The following SNAP29 variants were observed in gnomAD, a reference collection of about 807,000 sequenced individuals.
SNAP29 encodes the protein synaptosome associated protein 29.
SNAP29 carries 13 observed loss-of-function variants against 27.9 expected under a neutral mutation model. The observed-to-expected ratio is 0.47, with a 90% CI of 0.30 to 0.74. SNAP29 has a LOEUF of 0.74. SNAP29 is among the 30% of genes least tolerant of loss of function. SNAP29 has a pLI of 0.06. For synonymous variants in SNAP29, 119 were observed against 127.1 expected, an observed-to-expected ratio of 0.94 and a Z score of 0.43; for missense variants, 368 against 336.5, an observed-to-expected ratio of 1.09 and a Z score of -0.73.
intron 2 of SNAP29, among the ~76,000 whole-genome samples, chr22:20,877,892 G>A (rs1928787199): frequency 6.6e-6 from 1 of 152,224 alleles, no homozygotes; most frequent in Non-Finnish European, 1.5e-5. Flanking sequence ...GAAGCCAAGT[G>A]TCTCTTCCTA....
chr22:20,869,209 A>G (rs1440933294), intron 1 of SNAP29, among the ~76,000 whole-genome samples: 1 of 152,144 alleles, frequency 6.6e-6, no homozygotes, highest in Non-Finnish European at 1.5e-5. Flanking sequence ...GCAGTGAGCT[A>G]ATATCACGCC....
At chr22:20,878,322 A>T (rs1339053103) in intron 2 of SNAP29, among the ~76,000 whole-genome samples, 1 of 152,096 alleles carries the variant, frequency 6.6e-6, no homozygotes, top group African/African-American at 2.4e-5. Context: ...CGGGCAGATC[A>T]TGAGGTCAGG....
Position 20,873,642 on chromosome 22 carries a change from G to A in SNAP29, c.434+3109G>A, listed in dbSNP as rs746110137. 4.6e-5 allele frequency among the ~76,000 whole-genome samples: 7 copies of A among 151,910 alleles called. 1 individual carries two copies. Among genetic ancestry groups the A allele is most frequent in the Admixed American group, 1.3e-4 (2 of 15,246 alleles). ...GGAGGATCACTTGATCCCAGCCTGA[G>A]CAACATGACAAAACCCCGTCTCTAC... On this transcript the variant is annotated intron_variant, in intron 2 of 4. Coordinates refer to ENST00000215730, the MANE Select transcript of SNAP29 (RefSeq NM_004782.4).
In SNAP29 at chr22:20,883,554, A is replaced by T. The variant is rs1193183899; in HGVS notation, c.604A>T (p.Ile202Phe). The change falls in exon 4 of 5, where the codon ATC becomes TTC. Residue 202 changes from isoleucine to phenylalanine, a missense_variant. Transcript: ENST00000215730. ...ACACCTTCGAGCCTATCACCAGAAG[A>T]TCGACAGCAACCTAGGTAAGACTGA... ...NPHLRAYHQK[I>F]DSNLDELSMG... 1.9e-6 allele frequency: 3 copies of T among 1,611,432 alleles called. No individual in the cohort carries two copies. The Admixed American group carries it at 5.0e-5, about 27-fold the overall frequency.
intron 2 of SNAP29, among the ~76,000 whole-genome samples, chr22:20,874,332 ACACACACGAAAATTAGC>A (rs1928679820): frequency 6.8e-6 from 1 of 146,456 alleles, no homozygotes; most frequent in African/African-American, 2.5e-5. Flanking sequence ...ACACACACAC[ACACACACGAAAATTAGC>A]CACACACACA....
rs531870687 is a variant in SNAP29, at chr22:20,860,089, C to G, written c.237+742C>G. Among the ~76,000 whole-genome samples, 88 of 152,184 alleles carry G rather than the reference C, an allele frequency of 5.8e-4. 1 individual carries two copies. The Middle Eastern group carries it at 0.01, about 18-fold the overall frequency. ...TATTCTGGCCGAGCGCAGTGACTCA[C>G]GCCTGTAATCCCAGCACTTTGGGAG... On this transcript the variant is annotated intron_variant, in intron 1 of 4. Transcript: ENST00000215730.
chr22:20,879,088 A>G (rs531172999), intron 2 of SNAP29, among the ~76,000 whole-genome samples: 4 of 152,302 alleles, frequency 2.6e-5, no homozygotes, highest in African/African-American at 9.6e-5. Context: ...TGGGCGGATC[A>G]CGAGGTCAGG....
chr22:20,881,035 A>G lies in SNAP29; in HGVS notation c.435-14A>G. On this transcript the variant is annotated splice_polypyrimidine_tract_variant and intron_variant, in intron 2 of 4. Coordinates refer to ENST00000215730, the MANE Select transcript of SNAP29 (RefSeq NM_004782.4). ...TTTTTAAACGTTTTCTTTTTTGTGA[A>G]CTTTTATCCAAAGATTGAAAGAAGC... 6.4e-7 allele frequency: 1 copy of G among 1,568,124 alleles called. No individual in the cohort carries two copies. The highest frequency in any genetic ancestry group is 8.8e-7 in the Non-Finnish European group (1 of 1,138,094).
intron 2 of SNAP29, among the ~76,000 whole-genome samples, chr22:20,880,699 T>C (rs1251499866): frequency 6.6e-6 from 1 of 152,146 alleles, no homozygotes; most frequent in Non-Finnish European, 1.5e-5. Flanking sequence ...CTGCTTTTTT[T>C]TTCTTTTTTT....
At chr22:20,885,730 C>T (rs1275199273) in intron 4 of SNAP29, among the ~76,000 whole-genome samples, 2 of 152,182 alleles carry the variant, frequency 1.3e-5, no homozygotes, top group Non-Finnish European at 1.5e-5. Context: ...ACCGGCAGGA[C>T]GCAGTCTAGA....
chr22:20,884,039 G>T (rs910906202), intron 4 of SNAP29, among the ~76,000 whole-genome samples: 9 of 152,146 alleles, frequency 5.9e-5, no homozygotes, highest in Non-Finnish European at 1.3e-4. Context: ...CAAAACGGAA[G>T]GGTGTGCAGG....
chr22:20,859,874 G>A (rs1229936942), intron 1 of SNAP29, among the ~76,000 whole-genome samples: 1 of 152,084 alleles, frequency 6.6e-6, no homozygotes, highest in East Asian at 1.9e-4. Flanking sequence ...ACCAATAGAG[G>A]TATTGAAGTC....
chr22:20,869,448 G>A (rs535574306), intron 1 of SNAP29, among the ~76,000 whole-genome samples: 1 of 152,304 alleles, frequency 6.6e-6, no homozygotes, highest in South Asian at 2.1e-4. Flanking sequence ...AGTGGTGTGT[G>A]CAAAGGCCCT....
In SNAP29 at chr22:20,888,209, T is replaced by A. The variant is rs1486332340; in HGVS notation, c.*373T>A. On this transcript the variant is annotated 3_prime_UTR_variant, in exon 5 of 5. Coordinates refer to ENST00000215730, the MANE Select transcript of SNAP29 (RefSeq NM_004782.4). Reference sequence around the variant, plus strand: ...TCTTGCAGCCATGAGCCTCTATTTCTCATTCCTAAGCCTTACCATGAGTCA... The same window carrying A: ...TCTTGCAGCCATGAGCCTCTATTTCACATTCCTAAGCCTTACCATGAGTCA... 2.9e-5 allele frequency: 10 copies of A among 345,628 alleles called. No individual in the cohort carries two copies. In the East Asian group the frequency reaches 7.8e-4, roughly 27 times the overall value. 21.4% of individuals were successfully genotyped at this position (345,628 alleles called of 1,614,324 possible).
chr22:20,874,315 CAG>C (rs1266931682), intron 2 of SNAP29, among the ~76,000 whole-genome samples: 1 of 135,394 alleles, frequency 7.4e-6, no homozygotes, highest in East Asian at 2.1e-4. Flanking sequence ...CAGACACACA[CAG>C]ACACACACAC....
At chr22:20,861,912 C>T (rs188547945) in intron 1 of SNAP29, among the ~76,000 whole-genome samples, 5 of 152,206 alleles carry the variant, frequency 3.3e-5, no homozygotes, top group East Asian at 1.9e-4. Context: ...GGATTACAGG[C>T]GTGAGCGACC....
chr22:20,871,506 G>C (rs1410826188), intron 2 of SNAP29, among the ~76,000 whole-genome samples: 2 of 117,412 alleles, frequency 1.7e-5, no homozygotes, highest in East Asian at 5.6e-4. Flanking sequence ...AAAAAAAAAA[G>C]ATTTAAAGCT....
intron 1 of SNAP29, among the ~76,000 whole-genome samples, chr22:20,866,345 C>T (rs1928459141): frequency 6.6e-6 from 1 of 152,210 alleles, no homozygotes; most frequent in Admixed American, 6.5e-5. Flanking sequence ...CCTGCCAAGG[C>T]TTGTGCCTGT....
chr22:20,875,870 T>TGG (rs61433299), intron 2 of SNAP29, among the ~76,000 whole-genome samples: 1 of 147,710 alleles, frequency 6.8e-6, no homozygotes, highest in Non-Finnish European at 1.5e-5. Context: ...AAAAAAAAAA[T>TGG]GGGGGGGCGG....
Sources: allele counts gnomAD v4.1 joint callset (sites outside exome capture counted in the v4.1 genomes callset), GRCh38; gene constraint gnomAD v4.1.1; transcripts MANE v1.5; gene names NCBI Gene and HGNC (gene_info 2026-07-23, HGNC 2026-07-21).